COL5A3: variants seen among roughly 807,000 people sequenced by gnomAD.
COL5A3 encodes collagen type V alpha 3 chain, also known as collagen alpha-3(V) chain.
COL5A3 carries 172 observed loss-of-function variants against 250.0 expected under a neutral mutation model. The ratio of observed to expected loss-of-function variants is 0.69; its 90% CI spans 0.61 to 0.78. The LOEUF (loss-of-function observed/expected upper bound fraction) is 0.78, where lower values mean the gene tolerates loss of function less well. COL5A3 is among the 30% of genes least tolerant of loss of function. COL5A3 has a pLI of 0.00. For missense variants in COL5A3, 2,340 were observed against 2,334.4 expected (o/e 1.00, Z -0.05); for synonymous variants, 937 against 900.4 (o/e 1.04, Z -0.73).
chr19:9,980,226 A>G (rs546783984), intron 35 of COL5A3, among the ~76,000 whole-genome samples, 179 bp from the exon 36 acceptor site: 1 of 152,318 alleles, frequency 6.6e-6, no homozygotes, highest in African/African-American at 2.4e-5. Context: ...TGGGTTGGAG[A>G]CTGAGGTTAC....
chr19:10,002,422 C>T (rs2087377696), intron 6 of COL5A3, among the ~76,000 whole-genome samples: 1 of 151,204 alleles, frequency 6.6e-6, no homozygotes, highest in South Asian at 2.1e-4. Flanking sequence ...CCAGTGACTC[C>T]CCCACCAGCC....
chr19:9,982,352 T>C (rs10412065), intron 31 of COL5A3, among the ~76,000 whole-genome samples: 96,129 of 151,858 alleles, frequency 0.63, 32,339 homozygotes, highest in African/African-American at 0.88. Context: ...CTGAAATGCT[T>C]GTCTCCTAGG....
rs1396517446 is a variant in COL5A3, at chr19:9,977,594, C to T, written c.3126G>A (p.Arg1042=). The T allele has an allele frequency of 1.3e-6, 2 of 1,580,224 alleles. No individual in the cohort carries two copies. The highest frequency in any genetic ancestry group is 1.7e-6 in the Non-Finnish European group (2 of 1,163,638). The part of the protein sequence containing the change: ...PVGPAGKKGS[R]GERGPPGPTG... ...GGAATGGGATGGGCAAGTCACTTACCCGGGACCCCTTCTTGCCTGCAGGGC... is the reference window on the plus strand; with the variant it reads ...GGAATGGGATGGGCAAGTCACTTACTCGGGACCCCTTCTTGCCTGCAGGGC... Residue 1042 remains arginine (R), a splice_region_variant and synonymous_variant, in exon 42 of 67, where the codon CGG becomes CGA. Transcript: ENST00000264828.
rs759333983 is a variant in COL5A3 at position 9,993,356 on chromosome 19, G to T, written c.1749+24C>A. 3.7e-6 allele frequency: 6 copies of T among 1,612,932 alleles called. 1 individual carries two copies. In the African/African-American group the frequency reaches 8.0e-5, roughly 22 times the overall value. On this transcript the variant is annotated intron_variant, in intron 19 of 66. Coordinates refer to ENST00000264828, the MANE Select transcript of COL5A3 (RefSeq NM_015719.4). ...CTTCCAAACTTACTTTCCAAACCAG[G>T]CCCTAACTCTCTTCCAAACTTACCC...
intron 4 of COL5A3, 39 bp from the exon 5 acceptor site, chr19:10,004,184 T>C (rs1220676811): frequency 2.7e-6 from 4 of 1,485,514 alleles, no homozygotes; most frequent in Non-Finnish European, 2.8e-6. Flanking sequence ...AGGGCAGCCA[T>C]ACAGCCATAG....
chr19:9,973,403 CCTAT>C (rs1167742764), intron 50 of COL5A3, among the ~76,000 whole-genome samples, 163 bp downstream of exon 50: 1 of 152,106 alleles, frequency 6.6e-6, no homozygotes, highest in Non-Finnish European at 1.5e-5. Flanking sequence ...ACATAGCAGC[CCTAT>C]CTGAGAACTT....
rs2087213462 is a variant in COL5A3, at chr19:9,992,828, G to A, written c.1847C>T (p.Pro616Leu). The A allele has an allele frequency of 5.6e-6, 9 of 1,613,836 alleles. No individual in the cohort carries two copies. The highest frequency in any genetic ancestry group is 2.2e-5 in the East Asian group (1 of 44,866). The change falls in exon 21 of 67, where the codon CCG becomes CTG. Residue 616 changes from proline (P) to leucine (L), a missense_variant and splice_region_variant. Coordinates refer to ENST00000264828, the MANE Select transcript of COL5A3 (RefSeq NM_015719.4). The stretch of plus-strand genomic sequence containing the variant: ...ATGCAGAGAGCCAGTGACACTCACC[G>A]GGCGACCCGTGGGGCCAGGAGAGCC... ...PRGSPGPTGRPGVTGIDGAPG... is the reference protein window; with the variant it reads ...PRGSPGPTGRLGVTGIDGAPG...
intron 45 of COL5A3, among the ~76,000 whole-genome samples, 181 bp downstream of exon 45, chr19:9,976,377 C>T (rs2086922263): frequency 1.3e-5 from 2 of 148,408 alleles, no homozygotes; most frequent in African/African-American, 2.4e-5. Context: ...GAGGGGACAA[C>T]ATGGTTGGGT....
At chr19:9,979,542 C>T in intron 37 of COL5A3, 125 bp from the exon 38 acceptor site, 1 of 1,033,134 alleles carries the variant, frequency 9.7e-7, no homozygotes, top group Admixed American at 1.9e-5. Flanking sequence ...GTAATCCCAG[C>T]ACTTTGGGAG....
intron 63 of COL5A3, 28 bp downstream of exon 63, chr19:9,966,504 CCCAT>C: frequency 6.4e-7 from 1 of 1,554,654 alleles, no homozygotes; most frequent in East Asian, 2.4e-5. Flanking sequence ...CCCCACTCCG[CCCAT>C]CCAAGTGGCG....
In COL5A3 at chr19:9,970,093, GGCTGAGTGGAGGCTGT is replaced by G. The variant is rs763597085; in HGVS notation, c.3937-187_3937-172del. Among the ~76,000 whole-genome samples the G allele has an allele frequency of 3.6e-3, 183 of 50,196 alleles. 6 individuals carry two copies. The highest frequency in any genetic ancestry group is 7.2e-3 in the African/African-American group (56 of 7,782). 32.9% of individuals were successfully genotyped at this position (50,196 alleles called of 152,430 possible). A position where few individuals can be genotyped will look rare whatever the true frequency, so the allele number is the denominator to read the frequency against. ...GGGGCTGTGGGTGAGTGGGGGCTGTGGCTGAGTGGAGGCTGTGGGTGAGTGGAGGCTGTGGGTGAGT... is the reference window on the plus strand; with the variant it reads ...GGGGCTGTGGGTGAGTGGGGGCTGTGGGGTGAGTGGAGGCTGTGGGTGAGT... On this transcript the variant is annotated intron_variant, in intron 54 of 66. Transcript: ENST00000264828.
In COL5A3 at chr19:9,986,731, C is replaced by T; in HGVS notation, c.2173G>A (p.Gly725Arg). ...KGTSGNRGLQ[G>R]EKGEKGEDGF... ...CTCCTCACCTTCTCGCCTTTCTCCCCCTGGAGGCCCCGGTTGCCTGAAGTG... is the reference window on the plus strand; with the variant it reads ...CTCCTCACCTTCTCGCCTTTCTCCCTCTGGAGGCCCCGGTTGCCTGAAGTG... The change falls in exon 28 of 67, where the codon GGG becomes AGG. Residue 725 changes from glycine (G) to arginine (R), a missense_variant. Physicochemically the swap from Gly to Arg is moderately radical, Grantham distance 125 (BLOSUM62 -2). This residue lies in a region of COL5A3 where 1,152 missense variants were observed against 1,146.3 expected (regional missense o/e 1.00). Coordinates refer to ENST00000264828, the MANE Select transcript of COL5A3 (RefSeq NM_015719.4). The T allele has an allele frequency of 6.8e-6, 11 of 1,613,346 alleles. No individual in the cohort carries two copies. The highest frequency in any genetic ancestry group is 9.3e-6 in the Non-Finnish European group (11 of 1,179,932).
intron 50 of COL5A3, 85 bp downstream of exon 50, chr19:9,973,485 G>C: frequency 7.2e-7 from 1 of 1,387,868 alleles, no homozygotes; most frequent in East Asian, 2.3e-5. Flanking sequence ...ATCTTGCACT[G>C]TCCAGAGGTC....
intron 64 of COL5A3, among the ~76,000 whole-genome samples, chr19:9,965,156 CTTT>C (rs771519552): frequency 2.0e-5 from 2 of 100,296 alleles, no homozygotes; most frequent in African/African-American, 3.8e-5. Context: ...TTTTCTTTTT[CTTT>C]TTTTTTTTTT....
At chr19:9,962,751 C>A in intron 65 of COL5A3, 68 bp downstream of exon 65, 3 of 1,273,694 alleles carry the variant, frequency 2.4e-6, no homozygotes, top group Non-Finnish European at 3.4e-6. Context: ...CAGAACCCAC[C>A]CCTCAAACCC....
Position 9,974,115 on chromosome 19 carries a change from C to T in COL5A3, c.3504+56G>A, listed in dbSNP as rs1238407932. On this transcript the variant is annotated intron_variant, in intron 47 of 66. Coordinates refer to ENST00000264828, the MANE Select transcript of COL5A3 (RefSeq NM_015719.4). ...TCCCTCAAATGAATCTAATGCCTGC[C>T]GCCAACCTATAACCCCACCATCCTC... The T allele has an allele frequency of 1.3e-5, 20 of 1,574,662 alleles. No homozygotes were observed. The African/African-American group carries it at 1.5e-4, about 12-fold the overall frequency.
At position 10,004,180 on chromosome 19, in the gene COL5A3, G is replaced by A. The variant is rs537139404; in HGVS notation, c.595-35C>T. ...GGGGGTGTAGGAGTCAAGGAGGGCA[G>A]CCATACAGCCATAGGCTTACTCTGA... On this transcript the variant is annotated intron_variant, in intron 4 of 66. Transcript: ENST00000264828. 1.2e-4 allele frequency: 179 copies of A among 1,481,974 alleles called. 1 individual carries two copies. In the South Asian group the frequency reaches 1.9e-3, roughly 16 times the overall value. The allele number at this position is 1,481,974 out of a possible 1,614,324, so 91.8% of individuals were successfully genotyped here.
intron 24 of COL5A3, 99 bp from the exon 25 acceptor site, chr19:9,989,621 A>G (rs2087157890): frequency 2.7e-6 from 3 of 1,113,126 alleles, no homozygotes; most frequent in Non-Finnish European, 3.8e-6. Context: ...AGGTTAAGAA[A>G]TAAGCAGACC....
chr19:9,989,596 C>G (rs1278791928), intron 24 of COL5A3, 74 bp from the exon 25 acceptor site: 1 of 1,323,452 alleles, frequency 7.6e-7, no homozygotes, highest in African/African-American at 1.5e-5. Context: ...TCTACGCAGA[C>G]ATGCAGCCGC....
Sources: gnomAD v4.1 joint callset for allele counts (sites outside exome capture counted in the v4.1 genomes callset) on GRCh38, gnomAD v4.1.1 for gene constraint, gnomAD v4.1.1 regional missense constraint, MANE v1.5 for transcripts, NCBI Gene and HGNC (gene_info 2026-07-23, HGNC 2026-07-21) for gene names.